The following FAM171A1 variants were observed in gnomAD, a reference collection of about 807,000 sequenced individuals.
FAM171A1 encodes protein FAM171A1.
A neutral mutation model predicts 74.9 loss-of-function variants in FAM171A1; 23 were observed. The ratio of observed to expected loss-of-function variants is 0.31; its 90% CI spans 0.22 to 0.44. The LOEUF is 0.44. Ranked by LOEUF, FAM171A1 falls within the 20% of genes least tolerant of loss-of-function variation. FAM171A1 has a pLI of 1.00. For synonymous variants in FAM171A1, 527 were observed against 505.7 expected (o/e 1.04, Z -0.57); for missense variants, 1,162 against 1,159.2 (o/e 1.00, Z -0.03).
intron 1 of FAM171A1, among the ~76,000 whole-genome samples, chr10:15,329,251 C>T (rs1055672186): frequency 1.5e-4 from 23 of 152,184 alleles, no homozygotes; most frequent in Non-Finnish European, 2.1e-4. Context: ...GCTGACCAAC[C>T]AGCCGGATGC....
At chr10:15,260,147 T>C (rs1226070050) in intron 3 of FAM171A1, among the ~76,000 whole-genome samples, 1 of 152,112 alleles carries the variant, frequency 6.6e-6, no homozygotes, top group African/African-American at 2.4e-5. Context: ...TATACATTCA[T>C]GCATCTCCAT....
chr10:15,244,061 A>C (rs1232590377), intron 5 of FAM171A1, among the ~76,000 whole-genome samples: 1 of 152,138 alleles, frequency 6.6e-6, no homozygotes, highest in Non-Finnish European at 1.5e-5. Flanking sequence ...CCTTTTAAAG[A>C]TATCTAAATT....
intron 1 of FAM171A1, among the ~76,000 whole-genome samples, chr10:15,367,467 C>T (rs187733393): frequency 2.4e-4 from 36 of 152,312 alleles, no homozygotes; most frequent in African/African-American, 7.9e-4. Flanking sequence ...CAAGGAAGCC[C>T]AGCGGCCTCT....
At chr10:15,356,495 T>C (rs1040869923) in intron 1 of FAM171A1, among the ~76,000 whole-genome samples, 8 of 152,120 alleles carry the variant, frequency 5.3e-5, no homozygotes, top group African/African-American at 1.7e-4. Flanking sequence ...CATGGAAGAA[T>C]TGTCGAAACT....
intron 5 of FAM171A1, among the ~76,000 whole-genome samples, chr10:15,226,962 T>C (rs1427207604): frequency 6.6e-6 from 1 of 152,136 alleles, no homozygotes; most frequent in Non-Finnish European, 1.5e-5. Flanking sequence ...ACACAGGCAG[T>C]GTGAGGGACA....
At chr10:15,374,374 TG>T (rs1463996076), upstream of FAM171A1, among the ~76,000 whole-genome samples, 1 of 152,260 alleles carries the variant, frequency 6.6e-6, no homozygotes. Context: ...TCCAGTTACC[TG>T]GGTGGGAGGC....
chr10:15,323,442 A>C (rs1835511298), intron 1 of FAM171A1, among the ~76,000 whole-genome samples: 1 of 152,184 alleles, frequency 6.6e-6, no homozygotes, highest in Non-Finnish European at 1.5e-5. Context: ...GACAAGAGCA[A>C]GACTCTGTCT....
intron 1 of FAM171A1, among the ~76,000 whole-genome samples, chr10:15,298,091 A>G (rs1835182002): frequency 6.6e-6 from 1 of 152,164 alleles, no homozygotes. Context: ...CTCATGAGAT[A>G]TACATTTGAC....
intron 1 of FAM171A1, among the ~76,000 whole-genome samples, chr10:15,359,434 C>T (rs1460001864): frequency 6.6e-6 from 1 of 152,080 alleles, no homozygotes; most frequent in South Asian, 2.1e-4. Context: ...TGAGAGGACA[C>T]CCTCAGCAGT....
intron 3 of FAM171A1, among the ~76,000 whole-genome samples, chr10:15,267,558 G>A (rs1484683707): frequency 3.9e-5 from 5 of 127,602 alleles, no homozygotes; most frequent in East Asian, 2.7e-4. Context: ...AGCCGAGATC[G>A]CGCCACTGTA....
At chr10:15,349,435 T>G (rs1250299239) in intron 1 of FAM171A1, among the ~76,000 whole-genome samples, 1 of 152,180 alleles carries the variant, frequency 6.6e-6, no homozygotes, top group Non-Finnish European at 1.5e-5. Context: ...AACAGGCTCT[T>G]CCCACAACAC....
intron 1 of FAM171A1, among the ~76,000 whole-genome samples, chr10:15,355,947 C>T (rs12253152): frequency 6.6e-6 from 1 of 151,822 alleles, no homozygotes; most frequent in Non-Finnish European, 1.5e-5. Flanking sequence ...CCACACCATA[C>T]CTTATCTGGT....
chr10:15,353,451 C>A (rs956134907), intron 1 of FAM171A1, among the ~76,000 whole-genome samples: 1 of 152,142 alleles, frequency 6.6e-6, no homozygotes, highest in African/African-American at 2.4e-5. Context: ...TGGCAATTCC[C>A]AGAATATGAC....
chr10:15,271,686 G>A (rs1336396250), intron 3 of FAM171A1, among the ~76,000 whole-genome samples: 2 of 152,234 alleles, frequency 1.3e-5, no homozygotes, highest in African/African-American at 2.4e-5. Flanking sequence ...CAGGTCTCTC[G>A]GCAGAAACTT....
At chr10:15,288,699 T>C (rs1835067196) in intron 1 of FAM171A1, among the ~76,000 whole-genome samples, 1 of 152,172 alleles carries the variant, frequency 6.6e-6, no homozygotes, top group Admixed American at 6.5e-5. Flanking sequence ...CTTGAATTTC[T>C]TCTAATATGG....
chr10:15,225,684 T>A (rs985384029), intron 5 of FAM171A1, among the ~76,000 whole-genome samples: 11 of 152,252 alleles, frequency 7.2e-5, no homozygotes, highest in Admixed American at 4.6e-4. Flanking sequence ...CTGCTGAATA[T>A]GGGACCGCTG....
At chr10:15,333,401 A>T (rs10796279) in intron 1 of FAM171A1, among the ~76,000 whole-genome samples, 71,357 of 152,088 alleles carry the variant, frequency 0.47, 17,371 homozygotes, top group East Asian at 0.8. Context: ...CTGGGAGGCT[A>T]GGACAGGAGA....
intron 5 of FAM171A1, among the ~76,000 whole-genome samples, chr10:15,222,140 C>T (rs1268373646): frequency 2.5e-4 from 38 of 152,266 alleles, no homozygotes; most frequent in Middle Eastern, 3.4e-3. Context: ...GGAGATGTCC[C>T]GGCATACACA....
At chr10:15,273,215 C>T (rs955019296) in intron 3 of FAM171A1, among the ~76,000 whole-genome samples, 5 of 152,120 alleles carry the variant, frequency 3.3e-5, no homozygotes, top group Non-Finnish European at 7.4e-5. Flanking sequence ...GAGGTATCAC[C>T]GCCAATTCCA....
Sources: gnomAD v4.1 joint callset for allele counts (sites outside exome capture counted in the v4.1 genomes callset) on GRCh38, gnomAD v4.1.1 for gene constraint, MANE v1.5 for transcripts, NCBI Gene and HGNC (gene_info 2026-07-23, HGNC 2026-07-21) for gene names.